The following ARID1A variants were observed in gnomAD, a reference collection of about 807,000 sequenced individuals.
ARID1A encodes AT-rich interactive domain-containing protein 1A.
In ARID1A, 20 loss-of-function variants were observed where a neutral mutation model predicts 212.6. That is an observed-to-expected ratio of 0.09 (90% CI 0.07 to 0.14). The LOEUF (loss-of-function observed/expected upper bound fraction) is 0.14, where lower values mean the gene tolerates loss of function less well. Ranked by LOEUF, ARID1A falls within the 10% of genes least tolerant of loss-of-function variation. ARID1A has a pLI of 1.00. For missense variants in ARID1A, 2,587 were observed against 3,059.0 expected, an observed-to-expected ratio of 0.85 and a Z score of 3.64; for synonymous variants, 1,376 against 1,222.1, an observed-to-expected ratio of 1.13 and a Z score of -2.63.
chr1:26,743,379 G>A (rs2080806812), intron 4 of ARID1A, among the ~76,000 whole-genome samples: 3 of 152,028 alleles, frequency 2.0e-5, no homozygotes, highest in Non-Finnish European at 4.4e-5. Context: ...TGCTTGAACT[G>A]TATCTGACAT....
At chr1:26,720,964 A>G (rs1242716776) in intron 1 of ARID1A, among the ~76,000 whole-genome samples, 1 of 151,852 alleles carries the variant, frequency 6.6e-6, no homozygotes, top group Non-Finnish European at 1.5e-5. Context: ...GTAGCTGAGG[A>G]GGTTGAGGTT....
In ARID1A at chr1:26,773,634, G is replaced by A. The variant is rs1044998086; in HGVS notation, c.3921G>A (p.Pro1307=). 31 of 1,614,062 alleles carry A rather than the reference G, an allele frequency of 1.9e-5. No individual in the cohort carries two copies. Among genetic ancestry groups the A allele is most frequent in the Non-Finnish European group, 2.5e-5 (30 of 1,180,054 alleles). The change falls in exon 16 of 20, where the codon CCG becomes CCA. Residue 1307 remains proline (P), a synonymous_variant. Transcript: ENST00000324856. ...ACATGAGCACTGGGGCCCCACAGCC[G>A]AATCTCATGCCTTCCAACCCAGACT... ...EGNMSTGAPQ[P]NLMPSNPDSG... is the part of the protein sequence containing the mutation.
chr1:26,757,067 G>A (rs2080946635), intron 4 of ARID1A, among the ~76,000 whole-genome samples: 2 of 151,970 alleles, frequency 1.3e-5, no homozygotes, highest in Admixed American at 1.3e-4. Flanking sequence ...ACACAAAAAT[G>A]ATCAAAACAA....
chr1:26,719,793 T>C (rs1557585407), intron 1 of ARID1A, among the ~76,000 whole-genome samples: 1 of 150,514 alleles, frequency 6.6e-6, no homozygotes, highest in African/African-American at 2.5e-5. Flanking sequence ...ATACAAAAAT[T>C]AGCCGGGCAT....
chr1:26,733,532 G>T (rs567987128), intron 4 of ARID1A, among the ~76,000 whole-genome samples: 1 of 152,298 alleles, frequency 6.6e-6, no homozygotes, highest in South Asian at 2.1e-4. Flanking sequence ...TGTAATCATC[G>T]CCTCAGAGGG....
At position 26,773,360 on chromosome 1, in the gene ARID1A, C is replaced by T. The variant is rs550840683; in HGVS notation, c.3730C>T (p.Pro1244Ser). 7 of 1,593,626 alleles carry T rather than the reference C, an allele frequency of 4.4e-6. No individual in the cohort carries two copies. Among genetic ancestry groups the T allele is most frequent in the Non-Finnish European group, 6.0e-6 (7 of 1,171,234 alleles). ...TCTACGCTCAGCTCCAGGGAGTGATCCCTTCATGTCCTCAGGGCAGGGCCC... is the reference window on the plus strand; with the variant it reads ...TCTACGCTCAGCTCCAGGGAGTGATTCCTTCATGTCCTCAGGGCAGGGCCC... Reference protein sequence around the residue: ...GSMRKAPGSDPFMSSGQGPNG... With the variant: ...GSMRKAPGSDSFMSSGQGPNG... The change falls in exon 15 of 20, where the codon CCC becomes TCC. Residue 1244 changes from proline to serine, a missense_variant. Transcript: ENST00000324856.
At chr1:26,748,189 G>C (rs2080854622) in intron 4 of ARID1A, among the ~76,000 whole-genome samples, 1 of 152,218 alleles carries the variant, frequency 6.6e-6, no homozygotes, top group Admixed American at 6.5e-5. Flanking sequence ...TGCCAACTTT[G>C]CCTTCCCTGG....
intron 1 of ARID1A, among the ~76,000 whole-genome samples, chr1:26,697,845 C>CGGGGGTGA (rs545432719): frequency 4.0e-4 from 2 of 4,980 alleles, no homozygotes; most frequent in Non-Finnish European, 4.0e-4. Context: ...AGGGCCTGGC[C>CGGGGGTGA]GGGGGTGAGG....
intron 17 of ARID1A, 75 bp downstream of exon 17, chr1:26,773,973 T>C: frequency 6.5e-7 from 1 of 1,532,002 alleles, no homozygotes; most frequent in South Asian, 1.1e-5. Context: ...ATCTAACGTG[T>C]TGAAGTCTAA....
At chr1:26,718,619 G>A (rs905978635) in intron 1 of ARID1A, among the ~76,000 whole-genome samples, 10 of 152,104 alleles carry the variant, frequency 6.6e-5, no homozygotes, top group Non-Finnish European at 8.8e-5. Flanking sequence ...TCCTGTATAC[G>A]TTAAATCATC....
At chr1:26,728,712 C>A (rs2080643203) in intron 1 of ARID1A, among the ~76,000 whole-genome samples, 2 of 152,164 alleles carry the variant, frequency 1.3e-5, no homozygotes, top group African/African-American at 4.8e-5. Flanking sequence ...TACTCTCCAT[C>A]TTGTGTGTGT....
chr1:26,710,828 T>G (rs2080446662), intron 1 of ARID1A, among the ~76,000 whole-genome samples: 1 of 152,108 alleles, frequency 6.6e-6, no homozygotes, highest in African/African-American at 2.4e-5. Flanking sequence ...CTATGTGCCC[T>G]CCTATGAAAA....
intron 4 of ARID1A, among the ~76,000 whole-genome samples, chr1:26,756,993 C>T (rs753015425): frequency 2.0e-5 from 3 of 152,140 alleles, no homozygotes; most frequent in Non-Finnish European, 2.9e-5. Context: ...TGAGCCACTG[C>T]GCCCGGCCCA....
chr1:26,771,140 C>T lies in ARID1A; in HGVS notation c.3220C>T (p.Arg1074Trp), dbSNP rs2124096845. The stretch of plus-strand genomic sequence containing the variant: ...ACAGGTCAACAAGAACAAAAAATGG[C>T]GGGAACTTGCAACCAACCTCAATGT... ...LTQVNKNKKW[R>W]ELATNLNVGT... is the part of the protein sequence containing the mutation. The change falls in exon 12 of 20, where the codon CGG becomes TGG. Residue 1074 changes from arginine to tryptophan, a missense_variant. Transcript: ENST00000324856. This position sits in a 1 kb window ranked among gnomAD's most constrained non-coding sequence, Gnocchi z 5.4. 1 of 1,614,136 alleles carries T rather than the reference C, an allele frequency of 6.2e-7. No homozygotes were observed. The highest frequency in any genetic ancestry group is 2.2e-5 in the East Asian group (1 of 44,890).
At chr1:26,706,152 C>T (rs757882886) in intron 1 of ARID1A, among the ~76,000 whole-genome samples, 2 of 152,130 alleles carry the variant, frequency 1.3e-5, no homozygotes, top group Non-Finnish European at 2.9e-5. Flanking sequence ...TGCCATGTGC[C>T]TTTTTTTCTC....
intron 4 of ARID1A, among the ~76,000 whole-genome samples, chr1:26,756,570 A>C (rs539158866): frequency 4.0e-5 from 6 of 151,718 alleles, no homozygotes; most frequent in African/African-American, 1.4e-4. Context: ...TCTTTAAAAA[A>C]AAAAAAAACA....
At chr1:26,731,915 A>G (rs965057369) in intron 3 of ARID1A, among the ~76,000 whole-genome samples, 2 of 152,174 alleles carry the variant, frequency 1.3e-5, no homozygotes, top group Non-Finnish European at 2.9e-5. Flanking sequence ...TTGTAAATCA[A>G]CATCAGAACT....
In ARID1A at chr1:26,696,816, C is replaced by T. The variant is rs2124741766; in HGVS notation, c.413C>T (p.Ser138Leu). 2 of 1,341,144 alleles carry T rather than the reference C, an allele frequency of 1.5e-6. No homozygotes were observed. Among genetic ancestry groups the T allele is most frequent in the South Asian group, 2.0e-5 (1 of 49,932 alleles). 83.1% of individuals were successfully genotyped at this position (1,341,144 alleles called of 1,614,324 possible). A position where few individuals can be genotyped will look rare whatever the true frequency, so the allele number is the denominator to read the frequency against. ...SSDGVGAPPH[S>L]AAAALPPPAY... The stretch of plus-strand genomic sequence containing the variant: ...GATGGGGTGGGGGCGCCTCCTCACT[C>T]AGCCGCGGCCGCCTTGCCGCCCCCA... Residue 138 changes from serine to leucine, a missense_variant, in exon 1 of 20, where the codon TCA (serine) becomes TTA (leucine). Around this residue, in one of 11 missense-constraint regions of ARID1A, gnomAD observed 735 missense variants for 590.6 expected, o/e 1.24. Coordinates refer to ENST00000324856, the MANE Select transcript of ARID1A (RefSeq NM_006015.6).
intron 1 of ARID1A, among the ~76,000 whole-genome samples, chr1:26,723,240 T>C (rs933983438): frequency 2.6e-5 from 4 of 152,134 alleles, no homozygotes; most frequent in African/African-American, 9.7e-5. Context: ...ACTCCTGAGA[T>C]CTAAGTGAGC....
Sources: gnomAD v4.1 joint callset for allele counts (sites outside exome capture counted in the v4.1 genomes callset) on GRCh38, gnomAD v4.1.1 for gene constraint, gnomAD v4.1.1 regional missense constraint, Gnocchi (gnomAD v3.1) non-coding constraint, MANE v1.5 for transcripts, NCBI Gene and HGNC (gene_info 2026-07-23, HGNC 2026-07-21) for gene names.